The following SAMD5 variants were observed in gnomAD, a reference collection of about 807,000 sequenced individuals.
The protein encoded by SAMD5 is sterile alpha motif domain-containing protein 5.
A neutral mutation model predicts 11.3 loss-of-function variants in SAMD5; 13 were observed. The observed-to-expected ratio is 1.15, with a 90% confidence interval of 0.75 to 1.83. The LOEUF (loss-of-function observed/expected upper bound fraction) is 1.83, where lower values mean the gene tolerates loss of function less well. Ranked by LOEUF, SAMD5 falls within the 40% of genes most tolerant of loss-of-function variation. The pLI is 0.00. For synonymous variants in SAMD5, 129 were observed against 111.3 expected, an observed-to-expected ratio of 1.16 and a Z score of -1.00; for missense variants, 255 against 239.1, an observed-to-expected ratio of 1.07 and a Z score of -0.44.
At chr6:147,586,080 C>A (rs150160336) in intron 1 of SAMD5, among the ~76,000 whole-genome samples, 1 of 152,098 alleles carries the variant, frequency 6.6e-6, no homozygotes, top group Non-Finnish European at 1.5e-5. Flanking sequence ...CATTGTAGGG[C>A]GCCATGATTA....
At chr6:147,512,918 G>A (rs151006294) in intron 1 of SAMD5, among the ~76,000 whole-genome samples, 40 of 152,202 alleles carry the variant, frequency 2.6e-4, no homozygotes, top group Non-Finnish European at 5.0e-4. Flanking sequence ...ATCCAACCCA[G>A]TTTGCAGGGA....
chr6:147,915,014 T>TCTTA, the SAMD5 span, among the ~76,000 whole-genome samples: 1 of 152,094 alleles, frequency 6.6e-6, no homozygotes, highest in Non-Finnish European at 1.5e-5. Flanking sequence ...TAAAGAGACA[T>TCTTA]GAGAACTAAT....
chr6:147,791,931 G>A, the SAMD5 span, among the ~76,000 whole-genome samples: 1 of 152,182 alleles, frequency 6.6e-6, no homozygotes, highest in Non-Finnish European at 1.5e-5. Context: ...GACTTAAGGA[G>A]GAGATAGAAT....
At chr6:147,730,937 A>T (rs901813961) in intron 1 of SAMD5, among the ~76,000 whole-genome samples, 1 of 152,154 alleles carries the variant, frequency 6.6e-6, no homozygotes, top group African/African-American at 2.4e-5. Context: ...TAGACTCAAG[A>T]GAATATGAGA....
chr6:147,528,279 T>G (rs1428125908), intron 1 of SAMD5, among the ~76,000 whole-genome samples: 2 of 152,288 alleles, frequency 1.3e-5, no homozygotes, highest in Admixed American at 1.3e-4. Context: ...ACAGACTGAG[T>G]GGCTTCAACA....
chr6:147,713,109 A>C (rs142860050), intron 1 of SAMD5, among the ~76,000 whole-genome samples: 1 of 152,356 alleles, frequency 6.6e-6, no homozygotes, highest in East Asian at 1.9e-4. Flanking sequence ...TGTGTTTGAT[A>C]ATCTCATCAC....
At chr6:147,722,980 A>G (rs59707534) in intron 1 of SAMD5, among the ~76,000 whole-genome samples, 1 of 151,888 alleles carries the variant, frequency 6.6e-6, no homozygotes, top group Non-Finnish European at 1.5e-5. Flanking sequence ...GGGTCTGGGA[A>G]GCTGAAGGCT....
chr6:147,752,709 T>G, the SAMD5 span, among the ~76,000 whole-genome samples: 1 of 152,252 alleles, frequency 6.6e-6, no homozygotes, highest in South Asian at 2.1e-4. Context: ...ATTCTGGAAC[T>G]GAGGATGACA....
chr6:147,708,419 C>T (rs1171328192), intron 1 of SAMD5, among the ~76,000 whole-genome samples: 1 of 152,156 alleles, frequency 6.6e-6, no homozygotes, highest in Non-Finnish European at 1.5e-5. Context: ...GTTGTTTAAG[C>T]CACCCAGTCT....
intron 1 of SAMD5, among the ~76,000 whole-genome samples, chr6:147,705,811 T>C (rs925539546): frequency 3.9e-5 from 6 of 152,202 alleles, no homozygotes; most frequent in African/African-American, 1.2e-4. Context: ...TACATATGCA[T>C]TGGAATTGTG....
chr6:147,579,820 T>G (rs1203801257), intron 1 of SAMD5, among the ~76,000 whole-genome samples: 2 of 152,210 alleles, frequency 1.3e-5, no homozygotes, highest in African/African-American at 2.4e-5. Context: ...CTGGGTATTT[T>G]CCAACTTTCT....
At chr6:147,534,544 G>A (rs1406043279) in intron 1 of SAMD5, among the ~76,000 whole-genome samples, 1 of 152,152 alleles carries the variant, frequency 6.6e-6, no homozygotes, top group African/African-American at 2.4e-5. Flanking sequence ...CAGTCTCCCC[G>A]AGCATTCAGG....
intron 1 of SAMD5, among the ~76,000 whole-genome samples, chr6:147,673,885 GA>G (rs1184294860): frequency 1.3e-5 from 2 of 151,400 alleles, no homozygotes; most frequent in East Asian, 1.9e-4. Flanking sequence ...CAGTTTGTCA[GA>G]AAAAAAAGGA....
the SAMD5 span, among the ~76,000 whole-genome samples, chr6:147,779,320 A>G: frequency 1.3e-5 from 2 of 152,142 alleles, no homozygotes; most frequent in Non-Finnish European, 2.9e-5. Context: ...CTGCTAGTAT[A>G]ATATGAAATG....
chr6:147,622,340 A>G (rs1206337719), intron 1 of SAMD5, among the ~76,000 whole-genome samples: 1 of 152,180 alleles, frequency 6.6e-6, no homozygotes, highest in Non-Finnish European at 1.5e-5. Flanking sequence ...CTATTTTTAT[A>G]TGTATCATTT....
Position 147,692,937 on chromosome 6 carries a change from C to T in SAMD5, c.163-44380C>T, listed in dbSNP as rs185391950. Among the ~76,000 whole-genome samples, 5 of 152,288 alleles carry T rather than the reference C, an allele frequency of 3.3e-5. No homozygotes were observed. In the East Asian group the frequency reaches 7.7e-4, roughly 23 times the overall value. ...AATCTCCAAAAGTTCAGAAAATCAT[C>T]GTATTGGGGAGGGAGTGGGGAAAGA... On this transcript the variant is annotated intron_variant, in intron 1 of 1. Coordinates refer to the SAMD5 transcript ENST00000566741.
intron 1 of SAMD5, among the ~76,000 whole-genome samples, chr6:147,530,494 C>G (rs73002128): frequency 0.015 from 2,267 of 152,324 alleles, 33 homozygotes; most frequent in Middle Eastern, 0.024. Context: ...GCATTGCCCT[C>G]TGGGGCCAAC....
intron 1 of SAMD5, among the ~76,000 whole-genome samples, chr6:147,528,397 C>T (rs1172744577): frequency 6.6e-6 from 1 of 152,148 alleles, no homozygotes; most frequent in African/African-American, 2.4e-5. Context: ...CTTACTGTGT[C>T]CTCACGTGGT....
At chr6:147,520,485 C>G (rs1788236119) in intron 1 of SAMD5, among the ~76,000 whole-genome samples, 1 of 152,114 alleles carries the variant, frequency 6.6e-6, no homozygotes, top group African/African-American at 2.4e-5. Context: ...AATTTGAAAA[C>G]TATTTCTGTT....
Sources: allele counts gnomAD v4.1 joint callset (sites outside exome capture counted in the v4.1 genomes callset), GRCh38; gene constraint gnomAD v4.1.1; transcripts MANE v1.5; gene names NCBI Gene and HGNC (gene_info 2026-07-23, HGNC 2026-07-21).